TRPM7: variants seen among roughly 807,000 people sequenced by gnomAD.
TRPM7 encodes LTRPC ion channel family member 7.
A neutral mutation model predicts 229.7 loss-of-function variants in TRPM7; 134 were observed. That is an observed-to-expected ratio of 0.58 (90% CI 0.51 to 0.67). The LOEUF (loss-of-function observed/expected upper bound fraction) is 0.67. TRPM7 is among the 30% of genes least tolerant of loss of function. The pLI is 0.00. For missense variants in TRPM7, 1,901 were observed against 2,210.0 expected (o/e 0.86, Z 2.80); for synonymous variants, 699 against 715.2 (o/e 0.98, Z 0.36).
At chr15:50,568,507 T>C (rs2053719793) in intron 38 of TRPM7, among the ~76,000 whole-genome samples, 1 of 152,142 alleles carries the variant, frequency 6.6e-6, no homozygotes, top group Non-Finnish European at 1.5e-5. Context: ...CTAGTACCAT[T>C]TACATACCTA....
intron 31 of TRPM7, among the ~76,000 whole-genome samples, chr15:50,576,687 G>C (rs888933443): frequency 6.6e-6 from 1 of 152,160 alleles, no homozygotes; most frequent in South Asian, 2.1e-4. Flanking sequence ...AATTCTGTAG[G>C]TATGTGTCAT....
intron 1 of TRPM7, among the ~76,000 whole-genome samples, chr15:50,663,394 G>A (rs1233223701): frequency 1.3e-5 from 2 of 152,166 alleles, no homozygotes; most frequent in Admixed American, 1.3e-4. Context: ...CCAAAGTGGT[G>A]GGATTACAGG....
At position 50,599,185 on chromosome 15, in the gene TRPM7, T is replaced by A; in HGVS notation, c.3100A>T (p.Lys1034Ter). The change falls in exon 22 of 39, where the codon AAA becomes TAA. Residue 1034 changes from lysine to a stop codon, truncating the protein, a stop_gained. Transcript: ENST00000646667. LOFTEE classifies it high-confidence loss of function. ...PHEAPSWTLA[K>*]DIVFHPYWMI... is the part of the protein sequence containing the mutation. ...CAGTATGGGTGAAAAACTATATCTT[T>A]AGCAAGAGTCCAAGATGGTGCTTCA... is the stretch of plus-strand genomic sequence containing the variant. 6.2e-7 allele frequency: 1 copy of A among 1,613,444 alleles called. No individual in the cohort carries two copies. The highest frequency in any genetic ancestry group is 8.5e-7 in the Non-Finnish European group (1 of 1,179,654).
At chr15:50,658,157 A>G (rs2061630473) in intron 2 of TRPM7, among the ~76,000 whole-genome samples, 1 of 152,042 alleles carries the variant, frequency 6.6e-6, no homozygotes, top group Non-Finnish European at 1.5e-5. Context: ...GGCTCCTGCC[A>G]CCATGCCCGG....
intron 32 of TRPM7, 34 bp from the exon 33 acceptor site, chr15:50,575,823 G>C (rs1461579650): frequency 1.9e-6 from 3 of 1,611,884 alleles, no homozygotes; most frequent in Non-Finnish European, 2.5e-6. Context: ...AATTAAATCT[G>C]TAAAGGTCCA....
intron 6 of TRPM7, among the ~76,000 whole-genome samples, chr15:50,638,338 G>A (rs1225977979): frequency 5.6e-5 from 7 of 124,288 alleles, no homozygotes; most frequent in African/African-American, 1.9e-4. Context: ...CAGCCTGGGC[G>A]ACAGAGCGAG....
rs2061772199 is a variant in TRPM7 at position 50,662,989 on chromosome 15, G to C, written c.61C>G (p.Pro21Ala). 1.9e-6 allele frequency: 3 copies of C among 1,613,466 alleles called. No individual in the cohort carries two copies. Among genetic ancestry groups the C allele is most frequent in the Non-Finnish European group, 2.5e-6 (3 of 1,179,668 alleles). The change falls in exon 2 of 39, where the codon CCA becomes GCA. Residue 21 changes from proline (P) to alanine (A), a missense_variant. Coordinates refer to ENST00000646667, the MANE Select transcript of TRPM7 (RefSeq NM_017672.6). Reference protein sequence around the residue: ...LTKRECVYIIPSSKDPHRCLP... With the variant: ...LTKRECVYIIASSKDPHRCLP... ...TACCTGTGAGGGTCCTTGGAACTTG[G>C]TATAATATATACACATTCCCTCTTG...
At chr15:50,613,933 G>A in intron 14 of TRPM7, 92 bp from the exon 15 acceptor site, 1 of 1,445,200 alleles carries the variant, frequency 6.9e-7, no homozygotes, top group East Asian at 2.3e-5. Context: ...GTGCAAATGT[G>A]TTTGTGTACA....
intron 36 of TRPM7, among the ~76,000 whole-genome samples, chr15:50,572,906 T>G (rs2053958727): frequency 6.6e-6 from 1 of 152,192 alleles, no homozygotes; most frequent in Non-Finnish European, 1.5e-5. Context: ...TGTTTACATT[T>G]GAAATTAAGT....
At chr15:50,669,327 C>A (rs1298992300) in intron 1 of TRPM7, among the ~76,000 whole-genome samples, 1 of 151,962 alleles carries the variant, frequency 6.6e-6, no homozygotes, top group Non-Finnish European at 1.5e-5. Context: ...TCCAACTACA[C>A]AGGAAGCTGA....
chr15:50,586,176 T>C (rs1032148913), intron 28 of TRPM7, among the ~76,000 whole-genome samples: 2 of 152,234 alleles, frequency 1.3e-5, no homozygotes, highest in Non-Finnish European at 2.9e-5. Context: ...ATTCCATCTT[T>C]ACAGAATAAA....
At chr15:50,636,128 G>C (rs11635052) in intron 7 of TRPM7, among the ~76,000 whole-genome samples, 8,762 of 150,206 alleles carry the variant, frequency 0.058, 329 homozygotes, top group African/African-American at 0.11. Context: ...ACAATAACTT[G>C]CGGTGCACAG....
At chr15:50,593,477 G>T in intron 25 of TRPM7, 140 bp downstream of exon 25, 1 of 889,974 alleles carries the variant, frequency 1.1e-6, no homozygotes, top group Non-Finnish European at 1.7e-6. Context: ...AGAACTGAAC[G>T]ATCTTTCCAA....
chr15:50,611,352 A>G, intron 16 of TRPM7, 31 bp from the exon 17 acceptor site: 1 of 1,558,800 alleles, frequency 6.4e-7, no homozygotes, highest in South Asian at 1.1e-5. Flanking sequence ...AAATATACTC[A>G]GATTAACAAA....
At chr15:50,679,341 AC>A (rs66976561) in intron 1 of TRPM7, among the ~76,000 whole-genome samples, 3,029 of 149,028 alleles carry the variant, frequency 0.02, 102 homozygotes, top group African/African-American at 0.072. Context: ...TCCAAAAAAA[AC>A]AAAACAGAAA....
At chr15:50,675,089 T>C (rs2062064765) in intron 1 of TRPM7, among the ~76,000 whole-genome samples, 1 of 152,202 alleles carries the variant, frequency 6.6e-6, no homozygotes, top group Admixed American at 6.5e-5. Flanking sequence ...ATGCCTGTTA[T>C]CCCAACACTT....
intron 38 of TRPM7, among the ~76,000 whole-genome samples, chr15:50,565,125 G>A (rs2053536937): frequency 6.6e-6 from 1 of 151,950 alleles, no homozygotes; most frequent in Non-Finnish European, 1.5e-5. Context: ...GGGATTACAG[G>A]CACCCACCAC....
intron 19 of TRPM7, among the ~76,000 whole-genome samples, chr15:50,608,445 G>A (rs191227896): frequency 1.3e-5 from 2 of 152,236 alleles, no homozygotes; most frequent in Admixed American, 1.3e-4. Flanking sequence ...GGCAGGCTAG[G>A]GAGTAAACTG....
At chr15:50,681,977 A>G (rs982621593) in intron 1 of TRPM7, among the ~76,000 whole-genome samples, 1 of 152,118 alleles carries the variant, frequency 6.6e-6, no homozygotes, top group Non-Finnish European at 1.5e-5. Flanking sequence ...CAGGAGTTCA[A>G]GACCAGCCTG....
Sources: allele counts gnomAD v4.1 joint callset (sites outside exome capture counted in the v4.1 genomes callset), GRCh38; gene constraint gnomAD v4.1.1; transcripts MANE v1.5; gene names NCBI Gene and HGNC (gene_info 2026-07-23, HGNC 2026-07-21).